Variants in TSHZ3 observed in about 807,000 individuals in gnomAD.
The protein encoded by TSHZ3 is teashirt homolog 3.
Under a neutral mutation model 64.5 loss-of-function variants are expected in TSHZ3, and 10 were observed. That is an observed-to-expected ratio of 0.16 (90% confidence interval 0.10 to 0.26). The LOEUF is 0.26. Ranked by LOEUF, TSHZ3 falls within the 10% of genes least tolerant of loss-of-function variation. TSHZ3 has a pLI of 1.00. For missense variants in TSHZ3, 1,242 were observed against 1,421.7 expected (o/e 0.87, Z 2.03); for synonymous variants, 608 against 593.1 (o/e 1.03, Z -0.36).
chr19:31,264,817 G>A lies in TSHZ3; in HGVS notation n.64-21942C>T, dbSNP rs374902807. ...CTGTGCCAGGTAAAATATTCATTGC[G>A]CAGTTCAGGTGCCAGAGACAGGGCC... On this transcript the variant is annotated intron_variant and non_coding_transcript_variant, in intron 1 of 6. Transcript: ENST00000651361. Among the ~76,000 whole-genome samples the A allele has an allele frequency of 4.7e-4, 71 of 151,848 alleles. 3 individuals are homozygous for A. In the South Asian group the frequency reaches 0.012, roughly 26 times the overall value.
At chr19:31,221,265 C>T (rs140153462) in intron 4 of TSHZ3, among the ~76,000 whole-genome samples, 2 of 152,214 alleles carry the variant, frequency 1.3e-5, no homozygotes, top group African/African-American at 4.8e-5. Context: ...GGATAGAAAG[C>T]CAATTTGGGC....
At chr19:31,293,156 C>T (rs1976604435) in intron 1 of TSHZ3, among the ~76,000 whole-genome samples, 1 of 152,082 alleles carries the variant, frequency 6.6e-6, no homozygotes, top group South Asian at 2.1e-4. Context: ...CACCCATCAA[C>T]AACCCAAAAA....
intron 1 of TSHZ3, among the ~76,000 whole-genome samples, chr19:31,311,092 A>T (rs1437760762): frequency 6.6e-6 from 1 of 152,216 alleles, no homozygotes; most frequent in Non-Finnish European, 1.5e-5. Context: ...AAAGGCTTTC[A>T]GCCACCCAAA....
At chr19:31,309,113 A>G (rs1052071386) in intron 1 of TSHZ3, among the ~76,000 whole-genome samples, 19 of 152,224 alleles carry the variant, frequency 1.2e-4, no homozygotes, top group Admixed American at 3.9e-4. Context: ...GTGAAGATGC[A>G]CACCGTGGTG....
In TSHZ3 at chr19:31,349,288, G is replaced by A. The variant is rs2021624302; in HGVS notation, c.-69C>T. The stretch of plus-strand genomic sequence containing the variant: ...CCGGGCTGAGGACAGGGAGGGAGGG[G>A]GCGGCGGGCCCGCGGGGGGGCGAGG... On this transcript the variant is annotated 5_prime_UTR_variant, in exon 1 of 2. Coordinates refer to ENST00000240587, the MANE Select transcript of TSHZ3 (RefSeq NM_020856.4). 2.7e-6 allele frequency: 4 copies of A among 1,457,190 alleles called. No homozygotes were observed. The highest frequency in any genetic ancestry group is 2.8e-5 in the East Asian group (1 of 35,150). The allele number at this position is 1,457,190 out of a possible 1,614,324, so 90.3% of individuals were successfully genotyped here. A position where few individuals can be genotyped will look rare whatever the true frequency, so the allele number is the denominator to read the frequency against.
chr19:31,335,153 AT>A (rs1917208262), intron 1 of TSHZ3, among the ~76,000 whole-genome samples: 1 of 152,172 alleles, frequency 6.6e-6, no homozygotes. Context: ...AAAGGTTGAC[AT>A]TTTTTATATG....
intron 1 of TSHZ3, among the ~76,000 whole-genome samples, chr19:31,346,795 C>G (rs564326476): frequency 2.1e-4 from 31 of 149,156 alleles, no homozygotes; most frequent in African/African-American, 7.6e-4. Flanking sequence ...ACAAACCACC[C>G]CCAAAAAAAA....
intron 3 of TSHZ3, among the ~76,000 whole-genome samples, chr19:31,238,619 A>G (rs1334350541): frequency 6.6e-6 from 1 of 152,090 alleles, no homozygotes; most frequent in East Asian, 1.9e-4. Flanking sequence ...TTGCTAGTGA[A>G]TTGTTCCTTT....
At chr19:31,283,959 C>T (rs1976410637) in intron 1 of TSHZ3, among the ~76,000 whole-genome samples, 1 of 152,174 alleles carries the variant, frequency 6.6e-6, no homozygotes, top group South Asian at 2.1e-4. Context: ...ACCTGGTCCC[C>T]ACCAGGCTGG....
chr19:31,218,959 C>G (rs1975366860), intron 4 of TSHZ3, among the ~76,000 whole-genome samples: 1 of 152,188 alleles, frequency 6.6e-6, no homozygotes, highest in African/African-American at 2.4e-5. Flanking sequence ...ACTAATTTTA[C>G]AGGCTTTGCC....
intron 1 of TSHZ3, among the ~76,000 whole-genome samples, chr19:31,331,853 G>A (rs549235383): frequency 3.9e-5 from 6 of 152,312 alleles, no homozygotes; most frequent in African/African-American, 1.4e-4. Flanking sequence ...TCTAAGGGCA[G>A]AGCGGCTGGG....
At position 31,203,330 on chromosome 19, in the gene TSHZ3, G is replaced by A. The variant is rs546545141; in HGVS notation, n.809+1626C>T. ...TGGCAGGAAGAGTGAAGGATAGGAGGAGACCAGAGAGGTGAGCTAGGCAGG... is the reference window on the plus strand; with the variant it reads ...TGGCAGGAAGAGTGAAGGATAGGAGAAGACCAGAGAGGTGAGCTAGGCAGG... On this transcript the variant is annotated intron_variant and non_coding_transcript_variant, in intron 5 of 6. Coordinates refer to the TSHZ3 transcript ENST00000651361. Among the ~76,000 whole-genome samples, 3 of 152,254 alleles carry A rather than the reference G, an allele frequency of 2.0e-5. 1 individual carries two copies. Among genetic ancestry groups the A allele is most frequent in the African/African-American group, 7.2e-5 (3 of 41,546 alleles).
intron 1 of TSHZ3, among the ~76,000 whole-genome samples, chr19:31,328,416 C>G (rs1205272648): frequency 6.6e-6 from 1 of 152,368 alleles, no homozygotes; most frequent in East Asian, 1.9e-4. Context: ...TCTGGAAGGC[C>G]AGCCCAGGCT....
At chr19:31,280,849 G>T (rs950322720) in intron 1 of TSHZ3, among the ~76,000 whole-genome samples, 3 of 152,042 alleles carry the variant, frequency 2.0e-5, no homozygotes, top group Admixed American at 6.5e-5. Context: ...GCAACAGGGT[G>T]TTTTTTTTGT....
At chr19:31,303,517 C>G (rs1976789123) in intron 1 of TSHZ3, among the ~76,000 whole-genome samples, 1 of 152,172 alleles carries the variant, frequency 6.6e-6, no homozygotes, top group East Asian at 1.9e-4. Context: ...CATCTGGCAC[C>G]TGACCATCTC....
intron 5 of TSHZ3, among the ~76,000 whole-genome samples, chr19:31,182,905 C>T (rs1974739286): frequency 6.6e-6 from 1 of 152,116 alleles, no homozygotes; most frequent in Non-Finnish European, 1.5e-5. Flanking sequence ...CTGGATATTG[C>T]TGTGAAGGTA....
chr19:31,219,935 G>C (rs1975377493), intron 4 of TSHZ3, among the ~76,000 whole-genome samples: 1 of 151,474 alleles, frequency 6.6e-6, no homozygotes, highest in Non-Finnish European at 1.5e-5. Flanking sequence ...ATTGATCTTT[G>C]GAAAGATCAA....
chr19:31,264,968 C>G (rs1188015190), intron 1 of TSHZ3, among the ~76,000 whole-genome samples: 3 of 152,080 alleles, frequency 2.0e-5, no homozygotes, highest in Non-Finnish European at 2.9e-5. Context: ...GGGTAGGGGT[C>G]CCCAGCTATA....
intron 4 of TSHZ3, among the ~76,000 whole-genome samples, chr19:31,227,320 A>G (rs1322866672): frequency 6.6e-6 from 1 of 152,036 alleles, no homozygotes; most frequent in Non-Finnish European, 1.5e-5. Context: ...TGACAGATCT[A>G]CCCAGAATCA....
Sources: gnomAD v4.1 joint callset for allele counts (sites outside exome capture counted in the v4.1 genomes callset) on GRCh38, gnomAD v4.1.1 for gene constraint, MANE v1.5 for transcripts, NCBI Gene and HGNC (gene_info 2026-07-23, HGNC 2026-07-21) for gene names.